Variants in RYR2 observed in about 807,000 individuals in gnomAD.
The protein encoded by RYR2 is cardiac muscle ryanodine receptor-calcium release channel.
In RYR2, 227 loss-of-function variants were observed where a neutral mutation model predicts 601.1. The observed-to-expected ratio is 0.38, with a 90% confidence interval of 0.34 to 0.42. The LOEUF (loss-of-function observed/expected upper bound fraction) is 0.42. RYR2 is among the 10% of genes least tolerant of loss of function. RYR2 has a pLI of 1.00. For missense variants in RYR2, 4,646 were observed against 6,156.5 expected (o/e 0.75, Z 8.21); for synonymous variants, 2,223 against 2,175.1 (o/e 1.02, Z -0.61).
chr1:237,260,982 T>C (rs1688453164), intron 1 of RYR2, among the ~76,000 whole-genome samples: 1 of 152,220 alleles, frequency 6.6e-6, no homozygotes, highest in Non-Finnish European at 1.5e-5. Context: ...CTTCTTTTAT[T>C]TGGAATTATC....
At chr1:237,697,512 A>G (rs1171484604) in intron 63 of RYR2, among the ~76,000 whole-genome samples, 5 of 145,476 alleles carry the variant, frequency 3.4e-5, no homozygotes, top group African/African-American at 1.3e-4. Context: ...ATAATTATAT[A>G]TAATCTTTTT....
intron 52 of RYR2, 128 bp downstream of exon 52, chr1:237,654,542 T>C (rs1683063915): frequency 1.1e-6 from 1 of 876,128 alleles, no homozygotes. Context: ...TGATTTTTTC[T>C]CTTTTCTCAA....
At chr1:237,256,363 CTAA>C (rs1341413211) in intron 1 of RYR2, among the ~76,000 whole-genome samples, 1 of 152,104 alleles carries the variant, frequency 6.6e-6, no homozygotes, top group African/African-American at 2.4e-5. Flanking sequence ...TGAGAATAGA[CTAA>C]TACAGTAAGT....
intron 79 of RYR2, among the ~76,000 whole-genome samples, chr1:237,736,889 A>G (rs2149189334): frequency 6.6e-6 from 1 of 152,346 alleles, no homozygotes; most frequent in South Asian, 2.1e-4. Context: ...AGATTCATCA[A>G]GGGTGAAGAT....
At position 237,625,777 on chromosome 1, in the gene RYR2, C is replaced by T. The variant is rs781756026; in HGVS notation, c.6139C>T (p.Pro2047Ser). ...TYLKKKQAEK[P>S]VESDSKKSST... ...TCTGAAGAAGAAGCAAGCAGAAAAA[C>T]CAGTTGAGAGTGACTCCAAAAAGTC... Residue 2047 changes from proline to serine, a missense_variant, in exon 40 of 105, where the codon CCA becomes TCA. Pro to Ser is a moderately conservative substitution (Grantham distance 74). Transcript: ENST00000366574. The T allele has an allele frequency of 1.4e-5, 22 of 1,613,526 alleles. No homozygotes were observed. Among genetic ancestry groups the T allele is most frequent in the Non-Finnish European group, 1.8e-5 (21 of 1,179,738 alleles).
At chr1:237,339,944 G>A (rs1002158895) in intron 3 of RYR2, among the ~76,000 whole-genome samples, 1 of 152,094 alleles carries the variant, frequency 6.6e-6, no homozygotes, top group Non-Finnish European at 1.5e-5. Flanking sequence ...GAGAAAATGG[G>A]GCCAGCACAA....
At chr1:237,647,706 G>T (rs1178438383) in intron 48 of RYR2, among the ~76,000 whole-genome samples, 1 of 152,180 alleles carries the variant, frequency 6.6e-6, no homozygotes, top group Non-Finnish European at 1.5e-5. Context: ...AGAGTACAGT[G>T]TGTGGTCAGC....
At chr1:237,496,478 C>T (rs1558919655) in intron 19 of RYR2, 33 bp from the exon 20 acceptor site, 4 of 1,594,202 alleles carry the variant, frequency 2.5e-6, no homozygotes, top group Non-Finnish European at 3.4e-6. Flanking sequence ...TTTTTTTGGA[C>T]TTTCCTTACA....
intron 35 of RYR2, among the ~76,000 whole-genome samples, chr1:237,609,034 C>CCCTT (rs140004402): frequency 6.7e-6 from 1 of 150,012 alleles, no homozygotes; most frequent in African/African-American, 2.5e-5. Context: ...TTCCCTCCCT[C>CCCTT]CCTTCCTTCC....
intron 62 of RYR2, among the ~76,000 whole-genome samples, chr1:237,682,547 A>G (rs1685982997): frequency 5.9e-5 from 9 of 152,226 alleles, no homozygotes; most frequent in Admixed American, 5.9e-4. Flanking sequence ...TATTCGGTAC[A>G]GTAACATGCT....
intron 71 of RYR2, among the ~76,000 whole-genome samples, chr1:237,714,718 C>T (rs957266401): frequency 3.3e-5 from 5 of 151,774 alleles, no homozygotes; most frequent in Admixed American, 6.6e-5. Flanking sequence ...TGGCTGGGTG[C>T]GGTGGCTCAC....
intron 29 of RYR2, among the ~76,000 whole-genome samples, chr1:237,572,933 A>G (rs1460261657): frequency 6.6e-6 from 1 of 152,154 alleles, no homozygotes; most frequent in African/African-American, 2.4e-5. Flanking sequence ...GGGAGCTAGC[A>G]TTGAGGTAGC....
intron 2 of RYR2, among the ~76,000 whole-genome samples, chr1:237,295,195 G>T (rs1357346373): frequency 6.6e-6 from 1 of 151,834 alleles, no homozygotes. Context: ...CTGCACTTCA[G>T]CCTGGGTGAA....
intron 2 of RYR2, among the ~76,000 whole-genome samples, chr1:237,276,268 T>C (rs1387416590): frequency 1.3e-5 from 2 of 152,066 alleles, no homozygotes; most frequent in East Asian, 1.9e-4. Context: ...CCTGGCTAAT[T>C]TTTGTATTTT....
At chr1:237,550,416 G>T in intron 26 of RYR2, 128 bp from the exon 27 acceptor site, 1 of 990,100 alleles carries the variant, frequency 1.0e-6, no homozygotes, top group Non-Finnish European at 1.5e-6. Flanking sequence ...TGCAGCCTGG[G>T]AAGACGCATG....
intron 1 of RYR2, among the ~76,000 whole-genome samples, chr1:237,259,300 GAGT>G (rs1688282938): frequency 6.6e-6 from 1 of 152,024 alleles, no homozygotes; most frequent in African/African-American, 2.4e-5. Context: ...CTGAAGTCAG[GAGT>G]TCAACACCAG....
intron 1 of RYR2, among the ~76,000 whole-genome samples, chr1:237,257,215 C>T (rs1311672876): frequency 6.6e-6 from 1 of 152,118 alleles, no homozygotes; most frequent in African/African-American, 2.4e-5. Context: ...CCAGATTTGT[C>T]TCATTCGACC....
At chr1:237,595,703 T>C (rs1397036063) in intron 34 of RYR2, 46 bp downstream of exon 34, 10 of 1,554,620 alleles carry the variant, frequency 6.4e-6, no homozygotes, top group Admixed American at 2.2e-5. Context: ...GGAAGACTTC[T>C]TTCCCCCATT....
chr1:237,277,220 G>A lies in RYR2; in HGVS notation c.168+6604G>A, dbSNP rs552975339. The stretch of plus-strand genomic sequence containing the variant: ...TGAACAAAATTTAAATTCTATTTAT[G>A]TTTAAAAAATAATAAAATACCTCCT... On this transcript the variant is annotated intron_variant, in intron 2 of 104. Transcript: ENST00000366574. 1.1e-4 allele frequency among the ~76,000 whole-genome samples: 17 copies of A among 152,270 alleles called. No individual in the cohort carries two copies. The East Asian group carries it at 3.3e-3, about 29-fold the overall frequency.
Sources: gnomAD v4.1 joint callset for allele counts (sites outside exome capture counted in the v4.1 genomes callset) on GRCh38, gnomAD v4.1.1 for gene constraint, MANE v1.5 for transcripts, NCBI Gene and HGNC (gene_info 2026-07-23, HGNC 2026-07-21) for gene names.